The following CSMD1 variants were observed in gnomAD, a reference collection of about 807,000 sequenced individuals.
CSMD1 encodes CUB and sushi domain-containing protein 1.
Under a neutral mutation model 417.5 loss-of-function variants are expected in CSMD1, and 213 were observed. The ratio of observed to expected loss-of-function variants is 0.51; its 90% CI spans 0.46 to 0.57. The LOEUF (loss-of-function observed/expected upper bound fraction) is 0.57, where lower values mean the gene tolerates loss of function less well. Among genes scored for constraint, CSMD1 ranks in the 20% least tolerant of loss-of-function variants. CSMD1 has a pLI of 0.00. For missense variants in CSMD1, 6,923 were observed against 4,529.7 expected (o/e 1.53, Z -15.17); for synonymous variants, 2,862 against 1,736.8 (o/e 1.65, Z -16.11).
At chr8:4,821,985 T>C (rs909853907) in intron 1 of CSMD1, among the ~76,000 whole-genome samples, 7 of 152,006 alleles carry the variant, frequency 4.6e-5, no homozygotes, top group East Asian at 1.9e-4. Context: ...TAAAATAAAG[T>C]TCCTCTGTAA....
chr8:3,713,121 TG>T (rs1004564376), intron 6 of CSMD1, among the ~76,000 whole-genome samples: 29 of 152,132 alleles, frequency 1.9e-4, no homozygotes, highest in African/African-American at 7.0e-4. Flanking sequence ...AGATAAATTA[TG>T]GGGGAAATAT....
intron 3 of CSMD1, among the ~76,000 whole-genome samples, chr8:4,388,878 G>T (rs1157002776): frequency 6.6e-6 from 1 of 152,018 alleles, no homozygotes; most frequent in Non-Finnish European, 1.5e-5. Context: ...CAGCTGAAAC[G>T]TCTCCTCTTC....
intron 11 of CSMD1, among the ~76,000 whole-genome samples, chr8:3,489,284 C>T (rs1180214751): frequency 2.0e-5 from 3 of 152,174 alleles, no homozygotes; most frequent in African/African-American, 4.8e-5. Flanking sequence ...TGTTAATCCA[C>T]ACATCTGGTT....
At chr8:3,190,226 T>G (rs1217831229) in intron 33 of CSMD1, 111 bp from the exon 34 acceptor site, 1 of 744,472 alleles carries the variant, frequency 1.3e-6, no homozygotes, top group Non-Finnish European at 2.2e-6. Context: ...AGACAGAGAA[T>G]TTAATAACGA....
chr8:4,223,654 A>C (rs1319207510), intron 3 of CSMD1, among the ~76,000 whole-genome samples: 1 of 152,202 alleles, frequency 6.6e-6, no homozygotes, highest in Non-Finnish European at 1.5e-5. Context: ...GTTAAACCCC[A>C]GTCTGTCTGT....
chr8:3,368,302 A>G (rs999334252), intron 19 of CSMD1, among the ~76,000 whole-genome samples: 1 of 152,164 alleles, frequency 6.6e-6, no homozygotes, highest in South Asian at 2.1e-4. Flanking sequence ...CGAAGTCTAC[A>G]TAATACTTAT....
intron 12 of CSMD1, among the ~76,000 whole-genome samples, chr8:3,465,003 A>G (rs1257124266): frequency 5.3e-5 from 8 of 152,180 alleles, no homozygotes; most frequent in Non-Finnish European, 1.0e-4. Flanking sequence ...AGCTATAGAT[A>G]ATACACATGC....
intron 30 of CSMD1, among the ~76,000 whole-genome samples, chr8:3,206,287 G>C (rs1369740622): frequency 1.4e-5 from 2 of 142,596 alleles, no homozygotes; most frequent in East Asian, 2.2e-4. Context: ...CTGTGTGTAT[G>C]TGTGTGTGTG....
chr8:4,145,735 G>A (rs1191810945), intron 3 of CSMD1, among the ~76,000 whole-genome samples: 3 of 151,054 alleles, frequency 2.0e-5, no homozygotes, highest in Non-Finnish European at 2.9e-5. Context: ...CTTGTCCCAA[G>A]GAACCAAAGT....
chr8:3,937,200 G>C (rs1002122968), intron 5 of CSMD1, among the ~76,000 whole-genome samples: 3 of 152,138 alleles, frequency 2.0e-5, no homozygotes, highest in African/African-American at 7.2e-5. Context: ...GAACATTGTT[G>C]AAATGACAAC....
At chr8:3,230,316 A>G (rs1585724883) in intron 26 of CSMD1, 85 bp from the exon 27 acceptor site, 4 of 1,114,446 alleles carry the variant, frequency 3.6e-6, no homozygotes, top group Admixed American at 6.3e-5. Context: ...TGTGGGTTGA[A>G]GCACTCTTCA....
chr8:4,254,476 T>C (rs1387681086), intron 3 of CSMD1, among the ~76,000 whole-genome samples: 3 of 152,164 alleles, frequency 2.0e-5, no homozygotes, highest in Non-Finnish European at 2.9e-5. Context: ...GCTGTCATAA[T>C]GTTGTAGTGC....
At chr8:4,739,771 C>T (rs1810480638) in intron 1 of CSMD1, among the ~76,000 whole-genome samples, 1 of 152,148 alleles carries the variant, frequency 6.6e-6, no homozygotes. Context: ...TTCTCCAGTC[C>T]CTCTCTTTGG....
chr8:3,486,946 G>C (rs1209086692), intron 11 of CSMD1, among the ~76,000 whole-genome samples: 1 of 152,150 alleles, frequency 6.6e-6, no homozygotes, highest in Non-Finnish European at 1.5e-5. Context: ...GACGAAGGTT[G>C]GGCAGCCCTA....
chr8:4,017,390 C>G (rs1386408463), intron 4 of CSMD1, among the ~76,000 whole-genome samples: 1 of 152,176 alleles, frequency 6.6e-6, no homozygotes, highest in African/African-American at 2.4e-5. Context: ...ACTACAACCT[C>G]CGCCTCCCGG....
At chr8:3,617,053 A>T (rs983952013) in intron 7 of CSMD1, among the ~76,000 whole-genome samples, 2 of 152,186 alleles carry the variant, frequency 1.3e-5, no homozygotes, top group Non-Finnish European at 1.5e-5. Context: ...AAAATTTAAT[A>T]AAAAATCTCA....
intron 1 of CSMD1, among the ~76,000 whole-genome samples, chr8:4,890,359 G>C (rs940263030): frequency 6.6e-6 from 1 of 152,106 alleles, no homozygotes; most frequent in Non-Finnish European, 1.5e-5. Context: ...GGCACATACA[G>C]GGGAGATGGC....
At chr8:4,252,895 G>T (rs1456387492) in intron 3 of CSMD1, among the ~76,000 whole-genome samples, 1 of 152,160 alleles carries the variant, frequency 6.6e-6, no homozygotes, top group African/African-American at 2.4e-5. Flanking sequence ...CAGGTGCCTT[G>T]TTCATGACCA....
intron 5 of CSMD1, among the ~76,000 whole-genome samples, chr8:3,872,516 G>T (rs796631428): frequency 6.6e-6 from 1 of 152,192 alleles, no homozygotes; most frequent in Non-Finnish European, 1.5e-5. Context: ...ACTAGGTAAT[G>T]TTCTGCCAGG....
Sources: allele counts gnomAD v4.1 joint callset (sites outside exome capture counted in the v4.1 genomes callset), GRCh38; gene constraint gnomAD v4.1.1; transcripts MANE v1.5; gene names NCBI Gene and HGNC (gene_info 2026-07-23, HGNC 2026-07-21).